The following CNTNAP5 variants were observed in gnomAD, a reference collection of about 807,000 sequenced individuals.
CNTNAP5 encodes contactin-associated protein-like 5.
CNTNAP5 carries 72 observed loss-of-function variants against 150.2 expected under a neutral mutation model. The observed-to-expected ratio is 0.48, with a 90% CI of 0.40 to 0.58. CNTNAP5 has a LOEUF of 0.58. Among genes scored for constraint, CNTNAP5 ranks in the 20% least tolerant of loss-of-function variants. The pLI is 0.00. For synonymous variants in CNTNAP5, 672 were observed against 619.8 expected (o/e 1.08, Z -1.25); for missense variants, 1,636 against 1,626.2 (o/e 1.01, Z -0.10).
intron 12 of CNTNAP5, among the ~76,000 whole-genome samples, chr2:124,640,679 CG>C (rs1481630942): frequency 6.6e-6 from 1 of 151,980 alleles, no homozygotes; most frequent in Non-Finnish European, 1.5e-5. Flanking sequence ...AAAGGTCGGG[CG>C]GGGGGAAGGT....
intron 1 of CNTNAP5, among the ~76,000 whole-genome samples, chr2:124,145,812 T>TAAAAAAAAAAAAAAAAAAAAAAAAAA: frequency 2.2e-4 from 14 of 64,192 alleles, no homozygotes; most frequent in Admixed American, 4.9e-4. Context: ...AAAAAAACAT[T>TAAAAAAAAAAAAAAAAAAAAAAAAAA]AAAAAAAAAA....
intron 10 of CNTNAP5, among the ~76,000 whole-genome samples, chr2:124,543,602 G>T (rs1695439885): frequency 6.6e-6 from 1 of 152,130 alleles, no homozygotes; most frequent in Non-Finnish European, 1.5e-5. Context: ...GAAGAAGAAA[G>T]GTTTCACATT....
chr2:124,485,296 C>T (rs1472078158), intron 7 of CNTNAP5, among the ~76,000 whole-genome samples: 4 of 152,106 alleles, frequency 2.6e-5, no homozygotes, highest in African/African-American at 9.7e-5. Context: ...ACCTCCCAGG[C>T]TGAGATTCAG....
intron 22 of CNTNAP5, among the ~76,000 whole-genome samples, chr2:124,906,924 A>G (rs796848840): frequency 1.2e-4 from 18 of 152,264 alleles, no homozygotes; most frequent in African/African-American, 4.3e-4. Context: ...GTTAACTTCC[A>G]TAGTTAGTGG....
intron 1 of CNTNAP5, among the ~76,000 whole-genome samples, chr2:124,219,314 T>G (rs947275320): frequency 2.6e-5 from 4 of 152,106 alleles, no homozygotes; most frequent in African/African-American, 9.7e-5. Context: ...CAGTCACACA[T>G]AAGACTATAA....
intron 3 of CNTNAP5, among the ~76,000 whole-genome samples, chr2:124,404,224 T>C (rs1691509362): frequency 6.6e-6 from 1 of 152,240 alleles, no homozygotes; most frequent in Admixed American, 6.5e-5. Flanking sequence ...CGACATCCCC[T>C]GTCAAGGTCA....
intron 3 of CNTNAP5, among the ~76,000 whole-genome samples, chr2:124,265,345 G>A (rs1687577734): frequency 1.3e-5 from 2 of 152,100 alleles, no homozygotes; most frequent in Admixed American, 6.6e-5. Flanking sequence ...ATGGGCGGCA[G>A]GGCACCTCTG....
chr2:124,500,455 A>C (rs1573416354), intron 7 of CNTNAP5, among the ~76,000 whole-genome samples: 1 of 152,232 alleles, frequency 6.6e-6, no homozygotes, highest in East Asian at 1.9e-4. Context: ...AATTACTTAG[A>C]GGTAGGGTAC....
intron 3 of CNTNAP5, among the ~76,000 whole-genome samples, chr2:124,318,103 G>A (rs78032239): frequency 0.028 from 4,304 of 152,238 alleles, 125 homozygotes; most frequent in Non-Finnish European, 0.041. Context: ...CAGTGGAGGA[G>A]AGGAAAGGAG....
chr2:124,563,233 T>C lies in CNTNAP5; in HGVS notation c.1666T>C (p.Cys556Arg). The change falls in exon 11 of 24, where the codon TGT becomes CGT. Residue 556 changes from cysteine (C) to arginine (R), a missense_variant. Cys to Arg is a radical substitution (Grantham distance 180). Transcript: ENST00000682447. Reference protein sequence around the residue: ...SIKDRCLPNYCEHGGSCSQSW... With the variant: ...SIKDRCLPNYREHGGSCSQSW... ...TTCCATTAGGTGTTTGCCAAACTACTGTGAACATGGAGGAAGCTGCTCCCA... is the reference window on the plus strand; with the variant it reads ...TTCCATTAGGTGTTTGCCAAACTACCGTGAACATGGAGGAAGCTGCTCCCA... The C allele has an allele frequency of 6.3e-7, 1 of 1,592,928 alleles. No individual in the cohort carries two copies. The highest frequency in any genetic ancestry group is 8.6e-7 in the Non-Finnish European group (1 of 1,168,408).
chr2:124,674,063 A>G lies in CNTNAP5; in HGVS notation c.2077+26105A>G, dbSNP rs76674874. Among the ~76,000 whole-genome samples, 131 of 152,192 alleles carry G rather than the reference A, an allele frequency of 8.6e-4. 2 individuals are homozygous for G. The East Asian group carries it at 0.025, about 29-fold the overall frequency. ...CCACAATGTCCCAAACCCAGCAGTG[A>G]TATATCCTCTTTCATCCCTGTTTTA... is the stretch of plus-strand genomic sequence containing the variant. On this transcript the variant is annotated intron_variant, in intron 13 of 23. Coordinates refer to ENST00000682447, the MANE Select transcript of CNTNAP5 (RefSeq NM_001367498.1).
chr2:124,215,478 C>A (rs1686132077), intron 1 of CNTNAP5, among the ~76,000 whole-genome samples: 1 of 152,182 alleles, frequency 6.6e-6, no homozygotes, highest in Non-Finnish European at 1.5e-5. Flanking sequence ...TGAAAGAAGA[C>A]CTTCAGTATT....
chr2:124,286,848 C>A (rs1688165956), intron 3 of CNTNAP5, among the ~76,000 whole-genome samples: 1 of 152,166 alleles, frequency 6.6e-6, no homozygotes, highest in Admixed American at 6.5e-5. Context: ...TGGAAAGTTC[C>A]ATCTCAACTA....
chr2:124,441,162 T>C (rs1692663411), intron 5 of CNTNAP5, among the ~76,000 whole-genome samples: 1 of 152,082 alleles, frequency 6.6e-6, no homozygotes, highest in Non-Finnish European at 1.5e-5. Flanking sequence ...AGTGTTGGTA[T>C]AGCATAACTA....
chr2:124,527,608 T>C (rs1695004648), intron 10 of CNTNAP5, among the ~76,000 whole-genome samples, 152 bp downstream of exon 10: 1 of 152,212 alleles, frequency 6.6e-6, no homozygotes, highest in South Asian at 2.1e-4. Flanking sequence ...TGAAAGGATT[T>C]CAGGCCCAGA....
intron 3 of CNTNAP5, among the ~76,000 whole-genome samples, chr2:124,271,137 T>C (rs1687740165): frequency 6.6e-6 from 1 of 151,934 alleles, no homozygotes; most frequent in African/African-American, 2.4e-5. Flanking sequence ...TTGGAAACCA[T>C]GGCCAGGCAA....
chr2:124,793,904 T>TG lies in CNTNAP5; in HGVS notation c.2992+3763_2992+3764insG, dbSNP rs1390088475. Among the ~76,000 whole-genome samples the TG allele has an allele frequency of 2.6e-5, 4 of 152,188 alleles. No individual in the cohort carries two copies. In the East Asian group the frequency reaches 7.7e-4, roughly 29 times the overall value. ...GTAACATAATTATTTATAAAATTTA[T>TG]TTGAAAATTTATTTAGAAATCTAGA... On this transcript the variant is annotated intron_variant, in intron 18 of 23. Coordinates refer to ENST00000682447, the MANE Select transcript of CNTNAP5 (RefSeq NM_001367498.1).
At chr2:124,138,934 G>A (rs1056127643) in intron 1 of CNTNAP5, among the ~76,000 whole-genome samples, 4 of 151,732 alleles carry the variant, frequency 2.6e-5, no homozygotes, top group Admixed American at 2.6e-4. Flanking sequence ...CATAATAAAC[G>A]TTTCCTCTCT....
intron 11 of CNTNAP5, among the ~76,000 whole-genome samples, chr2:124,575,297 G>A (rs1479018312): frequency 6.6e-6 from 1 of 152,180 alleles, no homozygotes; most frequent in African/African-American, 2.4e-5. Flanking sequence ...TTAAAATATA[G>A]TTTCTGTTGT....
Sources: allele counts gnomAD v4.1 joint callset (sites outside exome capture counted in the v4.1 genomes callset), GRCh38; gene constraint gnomAD v4.1.1; transcripts MANE v1.5; gene names NCBI Gene and HGNC (gene_info 2026-07-23, HGNC 2026-07-21).